Variants in OR9Q1 observed in about 807,000 individuals in gnomAD.
The protein encoded by OR9Q1 is olfactory receptor 9Q1.
For missense variants in OR9Q1, 374 were observed against 378.8 expected (o/e 0.99, Z 0.11); for synonymous variants, 153 against 148.6 (o/e 1.03, Z -0.22).
At chr11:58,129,997 A>G (rs1854125666) in intron 2 of OR9Q1, among the ~76,000 whole-genome samples, 1 of 152,108 alleles carries the variant, frequency 6.6e-6, no homozygotes, top group African/African-American at 2.4e-5. Flanking sequence ...TACCTGTGCC[A>G]TGGTGCTTTG....
intron 2 of OR9Q1, among the ~76,000 whole-genome samples, chr11:58,157,247 G>A (rs902983195): frequency 6.6e-6 from 1 of 152,074 alleles, no homozygotes; most frequent in Non-Finnish European, 1.5e-5. Context: ...TACCAGGGTC[G>A]CTCCTACTGA....
chr11:58,080,856 C>T (rs1470266000), intron 2 of OR9Q1, among the ~76,000 whole-genome samples: 3 of 152,080 alleles, frequency 2.0e-5, no homozygotes, highest in South Asian at 2.1e-4. Flanking sequence ...TTCGGTTACA[C>T]GTGCACCACC....
chr11:58,151,771 A>T (rs1363321561), intron 2 of OR9Q1, among the ~76,000 whole-genome samples: 3 of 147,080 alleles, frequency 2.0e-5, no homozygotes, highest in Non-Finnish European at 4.5e-5. Flanking sequence ...TTCGGCCCCC[A>T]GACCATTTTT....
At chr11:58,102,616 G>A (rs1853795420) in intron 2 of OR9Q1, among the ~76,000 whole-genome samples, 1 of 151,694 alleles carries the variant, frequency 6.6e-6, no homozygotes, top group South Asian at 2.1e-4. Context: ...TGGCCTGCAA[G>A]GTTTCTTCTG....
intron 2 of OR9Q1, among the ~76,000 whole-genome samples, chr11:58,103,529 CT>C (rs1320260421): frequency 6.6e-6 from 1 of 151,734 alleles, no homozygotes; most frequent in Non-Finnish European, 1.5e-5. Context: ...TTTATATTTT[CT>C]TGTATCTCAC....
intron 2 of OR9Q1, among the ~76,000 whole-genome samples, chr11:58,111,392 C>G (rs1853897611): frequency 6.6e-6 from 1 of 152,190 alleles, no homozygotes; most frequent in African/African-American, 2.4e-5. Context: ...TTCTAATCCT[C>G]TGTCAAAGGA....
intron 1 of OR9Q1, among the ~76,000 whole-genome samples, chr11:58,042,079 G>A (rs1403215735): frequency 6.6e-6 from 1 of 152,178 alleles, no homozygotes; most frequent in Non-Finnish European, 1.5e-5. Flanking sequence ...GGAGTGCTTA[G>A]TATGTACACA....
At chr11:58,077,552 G>C (rs547203355) in intron 2 of OR9Q1, 1 of 152,286 alleles carries the variant, frequency 6.6e-6, no homozygotes, top group East Asian at 1.9e-4. Context: ...ATAGCAGTTA[G>C]GTGGGAGGCA....
chr11:58,070,632 C>T (rs763475618), intron 2 of OR9Q1, among the ~76,000 whole-genome samples: 2 of 152,216 alleles, frequency 1.3e-5, no homozygotes, highest in Non-Finnish European at 2.9e-5. Context: ...GGCATAAATT[C>T]TGTGGACATG....
intron 2 of OR9Q1, among the ~76,000 whole-genome samples, chr11:58,155,995 C>A (rs527981093): frequency 6.0e-5 from 9 of 149,832 alleles, no homozygotes; most frequent in Admixed American, 4.7e-4. Flanking sequence ...CTCAGTGCAA[C>A]CTCCACCTCC....
chr11:58,130,318 A>G (rs1854128312), intron 2 of OR9Q1, among the ~76,000 whole-genome samples: 1 of 152,228 alleles, frequency 6.6e-6, no homozygotes, highest in African/African-American at 2.4e-5. Context: ...AGGAAAAATT[A>G]CAAAAAAAAT....
chr11:58,071,396 G>A (rs1293510426), intron 2 of OR9Q1, among the ~76,000 whole-genome samples: 1 of 152,100 alleles, frequency 6.6e-6, no homozygotes, highest in Non-Finnish European at 1.5e-5. Context: ...GCTGAGGCAG[G>A]AGAATTGCTT....
intron 2 of OR9Q1, among the ~76,000 whole-genome samples, chr11:58,061,315 C>T (rs1853378586): frequency 6.6e-6 from 1 of 151,474 alleles, no homozygotes; most frequent in South Asian, 2.1e-4. Flanking sequence ...GTTAACTGCT[C>T]CTTCCAGGCT....
At chr11:58,107,751 CTCT>C (rs1193608563) in intron 2 of OR9Q1, among the ~76,000 whole-genome samples, 1 of 142,614 alleles carries the variant, frequency 7.0e-6, no homozygotes, top group East Asian at 2.0e-4. Flanking sequence ...ATTTATTTGT[CTCT>C]TCTTTAATTT....
intron 1 of OR9Q1, chr11:58,031,866 T>C: frequency 1.2e-6 from 2 of 1,613,774 alleles, no homozygotes; most frequent in South Asian, 2.2e-5. Flanking sequence ...AAGGGAGCTC[T>C]GGGTCGAGTC....
chr11:58,106,682 G>A (rs10792136), intron 2 of OR9Q1, among the ~76,000 whole-genome samples: 117,846 of 152,042 alleles, frequency 0.78, 48,223 homozygotes, highest in Non-Finnish European at 0.92. Flanking sequence ...TGTGCATAAC[G>A]TAGGGTCCAG....
chr11:58,131,020 T>C (rs1378900317), intron 2 of OR9Q1, among the ~76,000 whole-genome samples: 2 of 152,128 alleles, frequency 1.3e-5, no homozygotes, highest in African/African-American at 2.4e-5. Flanking sequence ...CCAAATTACT[T>C]TGGTGCGGTA....
At chr11:58,031,957 T>G in intron 1 of OR9Q1, 3 of 1,076,212 alleles carry the variant, frequency 2.8e-6, no homozygotes, top group Non-Finnish European at 4.1e-6. Flanking sequence ...AAAAACAGGT[T>G]AGTCAATAAC....
intron 2 of OR9Q1, among the ~76,000 whole-genome samples, chr11:58,163,803 G>A (rs1255375213): frequency 1.3e-5 from 2 of 152,180 alleles, no homozygotes; most frequent in Non-Finnish European, 1.5e-5. Context: ...CAGAGCCTGT[G>A]ATTCATGACA....
Sources: gnomAD v4.1 joint callset for allele counts (sites outside exome capture counted in the v4.1 genomes callset) on GRCh38, gnomAD v4.1.1 for gene constraint, MANE v1.5 for transcripts, NCBI Gene and HGNC (gene_info 2026-07-23, HGNC 2026-07-21) for gene names.